TTC28: variants seen among roughly 807,000 people sequenced by gnomAD.
TTC28 encodes tetratricopeptide repeat protein 28.
In TTC28, 61 loss-of-function variants were observed where a neutral mutation model predicts 198.0. The ratio of observed to expected loss-of-function variants is 0.31; its 90% CI spans 0.25 to 0.38. The LOEUF is 0.38. Among genes scored for constraint, TTC28 ranks in the 10% least tolerant of loss-of-function variants. TTC28 has a pLI of 1.00. For synonymous variants in TTC28, 1,171 were observed against 1,297.8 expected, an observed-to-expected ratio of 0.90 and a Z score of 2.10; for missense variants, 2,678 against 3,164.0, an observed-to-expected ratio of 0.85 and a Z score of 3.69.
intron 2 of TTC28, among the ~76,000 whole-genome samples, chr22:28,415,828 GC>G (rs144397507): frequency 0.1 from 15,385 of 152,062 alleles, 876 homozygotes; most frequent in African/African-American, 0.12. Context: ...GCTTTATCAG[GC>G]ATTTCAATCT....
At chr22:28,601,997 T>G (rs894850676) in intron 2 of TTC28, among the ~76,000 whole-genome samples, 2 of 152,132 alleles carry the variant, frequency 1.3e-5, no homozygotes, top group African/African-American at 4.8e-5. Context: ...CCTTACATAT[T>G]ATCAACCTAG....
intron 20 of TTC28, among the ~76,000 whole-genome samples, chr22:27,990,532 C>T (rs1937362596): frequency 6.6e-6 from 1 of 152,226 alleles, no homozygotes; most frequent in Admixed American, 6.5e-5. Context: ...AAAGCTGGTT[C>T]TGCCCCTGCT....
intron 2 of TTC28, among the ~76,000 whole-genome samples, chr22:28,534,209 T>C (rs2049211459): frequency 6.6e-6 from 1 of 151,934 alleles, no homozygotes; most frequent in South Asian, 2.1e-4. Context: ...TAAAACAAAT[T>C]TACAAGAAAA....
At chr22:27,985,156 T>C (rs1937167656) in intron 22 of TTC28, 93 bp downstream of exon 22, 1 of 929,180 alleles carries the variant, frequency 1.1e-6, no homozygotes, top group East Asian at 2.7e-5. Flanking sequence ...GATTCACTTT[T>C]CTTCTGCTTC....
chr22:28,345,502 C>T (rs1405293541), intron 2 of TTC28, among the ~76,000 whole-genome samples: 1 of 152,124 alleles, frequency 6.6e-6, no homozygotes, highest in African/African-American at 2.4e-5. Context: ...GAGGTGCCTG[C>T]GATGACCTTT....
intron 2 of TTC28, among the ~76,000 whole-genome samples, chr22:28,546,015 A>AG (rs2049533975): frequency 6.6e-6 from 1 of 152,254 alleles, no homozygotes; most frequent in Non-Finnish European, 1.5e-5. Flanking sequence ...AACCTAGGCT[A>AG]GCCAGAGCAA....
At chr22:28,031,230 C>A (rs1354651929) in intron 12 of TTC28, among the ~76,000 whole-genome samples, 1 of 152,198 alleles carries the variant, frequency 6.6e-6, no homozygotes, top group Non-Finnish European at 1.5e-5. Flanking sequence ...CTGCAGCCAT[C>A]CTCCTCCATG....
chr22:28,133,505 C>T (rs1456679011), intron 6 of TTC28, among the ~76,000 whole-genome samples: 1 of 152,208 alleles, frequency 6.6e-6, no homozygotes, highest in Non-Finnish European at 1.5e-5. Context: ...TCGGGCCACT[C>T]CCACCCTAAT....
chr22:28,373,074 AC>A (rs1750352518), intron 2 of TTC28, among the ~76,000 whole-genome samples: 1 of 152,224 alleles, frequency 6.6e-6, no homozygotes, highest in Non-Finnish European at 1.5e-5. Flanking sequence ...AACAATGGAT[AC>A]AGGTGACCTC....
chr22:28,553,921 TG>T (rs1430797496), intron 2 of TTC28, among the ~76,000 whole-genome samples: 2 of 152,020 alleles, frequency 1.3e-5, no homozygotes, highest in Non-Finnish European at 2.9e-5. Context: ...GGCAGTTTTG[TG>T]GAATAGAAAG....
intron 2 of TTC28, among the ~76,000 whole-genome samples, chr22:28,397,297 T>C (rs569503504): frequency 6.6e-6 from 1 of 152,312 alleles, no homozygotes; most frequent in South Asian, 2.1e-4. Context: ...TCATTGATCC[T>C]CACAAGAGTC....
intron 1 of TTC28, among the ~76,000 whole-genome samples, chr22:28,643,917 T>G (rs1025167658): frequency 4.6e-5 from 7 of 152,194 alleles, no homozygotes; most frequent in African/African-American, 1.7e-4. Context: ...GGTACTATTA[T>G]TATCTCTAGT....
Position 28,296,339 on chromosome 22 carries a change from TTG to T in TTC28, c.803-13_803-12del. The stretch of plus-strand genomic sequence containing the variant: ...CTCCTGTCTGGTCACCTGGATTGAA[TTG>T]AGAAAAAAAAAAAGAAAAAATTTCT... On this transcript the variant is annotated splice_polypyrimidine_tract_variant and intron_variant, in intron 4 of 22. Transcript: ENST00000397906. 6.7e-7 allele frequency: 1 copy of T among 1,498,662 alleles called. No individual in the cohort carries two copies. The highest frequency in any genetic ancestry group is 8.9e-7 in the Non-Finnish European group (1 of 1,127,730). 92.8% of individuals were successfully genotyped at this position (1,498,662 alleles called of 1,614,324 possible). A position where few individuals can be genotyped will look rare whatever the true frequency, so the allele number is the denominator to read the frequency against.
At chr22:28,045,131 T>C (rs189960643) in intron 12 of TTC28, among the ~76,000 whole-genome samples, 56 of 152,306 alleles carry the variant, frequency 3.7e-4, no homozygotes, top group Non-Finnish European at 5.1e-4. Context: ...TTAGGTTTAA[T>C]CACATCGATA....
chr22:28,256,882 T>A (rs564541395), intron 5 of TTC28, among the ~76,000 whole-genome samples: 1 of 152,060 alleles, frequency 6.6e-6, no homozygotes, highest in East Asian at 1.9e-4. Flanking sequence ...CTACCAAAAA[T>A]CAAAAAAATT....
intron 2 of TTC28, among the ~76,000 whole-genome samples, chr22:28,475,187 G>GAAAGA (rs972713670): frequency 1.4e-5 from 2 of 142,876 alleles, no homozygotes; most frequent in African/African-American, 5.2e-5. Context: ...GAAAAGAAAA[G>GAAAGA]AAAGAAAGAT....
intron 1 of TTC28, among the ~76,000 whole-genome samples, chr22:28,674,207 G>A (rs2051938036): frequency 6.6e-6 from 1 of 150,396 alleles, no homozygotes; most frequent in Non-Finnish European, 1.5e-5. Flanking sequence ...TTGGGTCGTA[G>A]AAAGGTGATG....
At chr22:28,367,208 A>T (rs1328902185) in intron 2 of TTC28, among the ~76,000 whole-genome samples, 1 of 152,062 alleles carries the variant, frequency 6.6e-6, no homozygotes, top group East Asian at 1.9e-4. Context: ...AGTCTTAAAA[A>T]TTTCAAAAAA....
At chr22:28,480,960 T>C (rs532845496) in intron 2 of TTC28, among the ~76,000 whole-genome samples, 1 of 152,276 alleles carries the variant, frequency 6.6e-6, no homozygotes, top group Middle Eastern at 3.4e-3. Flanking sequence ...TATAAATGAA[T>C]AAACTGATGA....
Sources: gnomAD v4.1 joint callset for allele counts (sites outside exome capture counted in the v4.1 genomes callset) on GRCh38, gnomAD v4.1.1 for gene constraint, MANE v1.5 for transcripts, NCBI Gene and HGNC (gene_info 2026-07-23, HGNC 2026-07-21) for gene names.